SGSM1: variants seen among roughly 807,000 people sequenced by gnomAD.
The protein encoded by SGSM1 is RUN and TBC1 domain containing 2.
SGSM1 carries 73 observed loss-of-function variants against 133.8 expected under a neutral mutation model. The observed-to-expected ratio is 0.55, with a 90% CI of 0.45 to 0.66. The LOEUF is 0.66. SGSM1 is among the 30% of genes least tolerant of loss of function. The pLI, the probability that SGSM1 is intolerant of heterozygous loss-of-function variation, is 0.00. For missense variants in SGSM1, 1,213 were observed against 1,448.1 expected, an observed-to-expected ratio of 0.84 and a Z score of 2.64; for synonymous variants, 563 against 573.0, an observed-to-expected ratio of 0.98 and a Z score of 0.25.
chr22:24,886,835 T>G, intron 16 of SGSM1, 107 bp downstream of exon 16: 3 of 1,375,100 alleles, frequency 2.2e-6, no homozygotes, highest in African/African-American at 1.5e-5. Context: ...GGGAGGGAGA[T>G]ACGGGGAAGA....
intron 24 of SGSM1, among the ~76,000 whole-genome samples, chr22:24,923,634 T>A (rs1934090031): frequency 6.6e-6 from 1 of 152,136 alleles, no homozygotes; most frequent in Non-Finnish European, 1.5e-5. Flanking sequence ...ATTTTTATTT[T>A]TTTTTGAGAC....
chr22:24,853,752 A>G (rs1601923855), intron 5 of SGSM1, among the ~76,000 whole-genome samples: 1 of 146,232 alleles, frequency 6.8e-6, no homozygotes, highest in Non-Finnish European at 1.5e-5. Flanking sequence ...GACTACAGGC[A>G]CCACCACGCC....
chr22:24,879,674 A>G, intron 14 of SGSM1, 148 bp downstream of exon 14: 1 of 805,440 alleles, frequency 1.2e-6, no homozygotes, highest in Admixed American at 2.8e-5. Context: ...ACGTTACATG[A>G]ACTTCTCTGA....
At chr22:24,884,013 AGG>A (rs771823501) in intron 14 of SGSM1, 38 bp from the exon 15 acceptor site, 2 of 1,552,924 alleles carry the variant, frequency 1.3e-6, no homozygotes, top group Non-Finnish European at 1.7e-6. Context: ...GAGGGGCTTC[AGG>A]TGGTGGATGA....
At chr22:24,898,942 G>A (rs1933019109) in intron 19 of SGSM1, among the ~76,000 whole-genome samples, 1 of 150,216 alleles carries the variant, frequency 6.7e-6, no homozygotes, top group Non-Finnish European at 1.5e-5. Flanking sequence ...CAAGAGAATG[G>A]CGTGAACCCG....
rs1180517388 is a variant in SGSM1, at chr22:24,847,756, A to G, written c.262A>G (p.Ser88Gly). 1.2e-6 allele frequency: 2 copies of G among 1,613,946 alleles called. No homozygotes were observed. Among genetic ancestry groups the G allele is most frequent in the Middle Eastern group, 1.6e-4 (1 of 6,062 alleles). ...GAACTTCCCGCCGGCTGAGGATCTG[A>G]GCCGCAAGGTGCAAGACCTGGAGCA... is the stretch of plus-strand genomic sequence containing the variant. ...GKNFPPAEDLSRKVQDLEQLI... is the reference protein window; with the variant it reads ...GKNFPPAEDLGRKVQDLEQLI... The change falls in exon 4 of 25, where the codon AGC becomes GGC. Residue 88 changes from serine to glycine, a missense_variant. Ser to Gly is a moderately conservative substitution (Grantham distance 56). Transcript: ENST00000400358.
intron 2 of SGSM1, among the ~76,000 whole-genome samples, chr22:24,830,991 C>G (rs1929089273): frequency 6.6e-6 from 1 of 152,148 alleles, no homozygotes; most frequent in Non-Finnish European, 1.5e-5. Context: ...CACCCAGTAT[C>G]ACAGCCCTGA....
chr22:24,896,005 C>T lies in SGSM1; in HGVS notation c.2022+714C>T, dbSNP rs939480612. Among the ~76,000 whole-genome samples the T allele has an allele frequency of 5.3e-5, 8 of 152,226 alleles. No homozygotes were observed. In the South Asian group the frequency reaches 6.2e-4, roughly 12 times the overall value. Reference sequence around the variant, plus strand: ...TTGAGGCTGCAGTGAGCCATGATCACGCCACTGCACTCCAGCCTGGGTGAC... The same window carrying T: ...TTGAGGCTGCAGTGAGCCATGATCATGCCACTGCACTCCAGCCTGGGTGAC... On this transcript the variant is annotated intron_variant, in intron 18 of 24. Coordinates refer to ENST00000400358, the MANE Select transcript of SGSM1 (RefSeq NM_001098497.3).
chr22:24,902,841 C>A (rs888414911), intron 20 of SGSM1, among the ~76,000 whole-genome samples: 1 of 152,126 alleles, frequency 6.6e-6, no homozygotes, highest in African/African-American at 2.4e-5. Flanking sequence ...GAGTTTAAGA[C>A]CCAGTCTGGG....
chr22:24,806,685 C>T (rs1927410332), intron 2 of SGSM1, among the ~76,000 whole-genome samples: 1 of 151,874 alleles, frequency 6.6e-6, no homozygotes, highest in Non-Finnish European at 1.5e-5. Context: ...TGTGGGGAGG[C>T]TTTGGCCCAT....
intron 9 of SGSM1, among the ~76,000 whole-genome samples, chr22:24,860,303 CAG>C (rs1047293739): frequency 1.3e-5 from 2 of 152,100 alleles, no homozygotes; most frequent in African/African-American, 4.8e-5. Context: ...AATGCTGGGA[CAG>C]GGGATTTCCT....
At chr22:24,885,115 A>G (rs907411841) in intron 15 of SGSM1, among the ~76,000 whole-genome samples, 2 of 152,002 alleles carry the variant, frequency 1.3e-5, no homozygotes, top group Non-Finnish European at 2.9e-5. Context: ...TTGTATTTTA[A>G]GTAGAGACGG....
chr22:24,817,056 C>T (rs16978992), intron 2 of SGSM1, among the ~76,000 whole-genome samples: 38,429 of 151,894 alleles, frequency 0.25, 6,167 homozygotes, highest in East Asian at 0.59. Flanking sequence ...AAACGGACAC[C>T]AGAGGAGAGT....
intron 2 of SGSM1, among the ~76,000 whole-genome samples, chr22:24,839,374 C>G (rs970901602): frequency 2.0e-5 from 3 of 152,140 alleles, no homozygotes; most frequent in Admixed American, 6.5e-5. Flanking sequence ...CGACCATGTT[C>G]TTTTAATATG....
intron 8 of SGSM1, among the ~76,000 whole-genome samples, chr22:24,859,272 T>G (rs1280857036): frequency 2.0e-5 from 3 of 152,132 alleles, no homozygotes; most frequent in African/African-American, 4.8e-5. Flanking sequence ...GGGGGGTTTT[T>G]GGGAGGAGGT....
intron 14 of SGSM1, among the ~76,000 whole-genome samples, chr22:24,881,901 A>T (rs1217997631): frequency 2.0e-5 from 3 of 152,168 alleles, no homozygotes; most frequent in Non-Finnish European, 1.5e-5. Context: ...TCCAGGTGCC[A>T]GTGTGGGCCA....
chr22:24,837,356 G>A (rs190488352), intron 2 of SGSM1, among the ~76,000 whole-genome samples: 1,675 of 152,280 alleles, frequency 0.011, 33 homozygotes, highest in African/African-American at 0.038. Context: ...TGCATATCAG[G>A]GACTATTAGT....
chr22:24,847,855 C>T (rs1019208080), intron 4 of SGSM1, 59 bp downstream of exon 4: 1 of 1,574,676 alleles, frequency 6.4e-7, no homozygotes, highest in South Asian at 1.2e-5. Context: ...CACAGTCCTC[C>T]CTGGGTCCTG....
rs1929485167 is a variant in SGSM1 at position 24,837,238 on chromosome 22, A to G, written c.64-7659A>G. On this transcript the variant is annotated intron_variant, in intron 2 of 24. Coordinates refer to ENST00000400358, the MANE Select transcript of SGSM1 (RefSeq NM_001098497.3). ...ATGTGAGTCACCTCCAATGATAGGTAAGGTCACGTGGGTCACATGTCCACT... is the reference window on the plus strand; with the variant it reads ...ATGTGAGTCACCTCCAATGATAGGTGAGGTCACGTGGGTCACATGTCCACT... Among the ~76,000 whole-genome samples the G allele has an allele frequency of 2.0e-5, 3 of 152,352 alleles. No homozygotes were observed. The South Asian group carries it at 6.2e-4, about 32-fold the overall frequency.
Sources: allele counts gnomAD v4.1 joint callset (sites outside exome capture counted in the v4.1 genomes callset), GRCh38; gene constraint gnomAD v4.1.1; transcripts MANE v1.5; gene names NCBI Gene and HGNC (gene_info 2026-07-23, HGNC 2026-07-21).